Variants in ZFPM2 observed in about 807,000 individuals in gnomAD.
The protein encoded by ZFPM2 is zinc finger protein, FOG family member 2, also known as zinc finger protein ZFPM2.
A neutral mutation model predicts 98.6 loss-of-function variants in ZFPM2; 20 were observed. The observed-to-expected ratio is 0.20, with a 90% CI of 0.14 to 0.29. The LOEUF (loss-of-function observed/expected upper bound fraction) is 0.29, where lower values mean the gene tolerates loss of function less well. ZFPM2 is among the 10% of genes least tolerant of loss of function. The probability of loss-of-function intolerance (pLI) is 1.00; values close to 1 mark genes in which losing one functional copy is unlikely to be tolerated. For synonymous variants in ZFPM2, 518 were observed against 502.7 expected (o/e 1.03, Z -0.41); for missense variants, 1,310 against 1,388.6 (o/e 0.94, Z 0.90).
At chr8:105,545,756 T>C (rs1193348921) in intron 3 of ZFPM2, among the ~76,000 whole-genome samples, 2 of 152,162 alleles carry the variant, frequency 1.3e-5, no homozygotes, top group Non-Finnish European at 2.9e-5. Context: ...TTGAGAAGAA[T>C]TGAGGAAGGA....
At chr8:105,600,719 T>C (rs1816076062) in intron 4 of ZFPM2, among the ~76,000 whole-genome samples, 1 of 152,034 alleles carries the variant, frequency 6.6e-6, no homozygotes, top group Admixed American at 6.6e-5. Flanking sequence ...GATGATTATA[T>C]TATTGTTTAC....
chr8:105,558,410 T>G (rs941458454), intron 3 of ZFPM2, among the ~76,000 whole-genome samples: 20 of 152,218 alleles, frequency 1.3e-4, no homozygotes, highest in African/African-American at 4.6e-4. Context: ...CTAGTAAAGT[T>G]GAAAAGATTG....
chr8:105,551,118 G>C (rs146797146), intron 3 of ZFPM2, among the ~76,000 whole-genome samples: 1 of 152,174 alleles, frequency 6.6e-6, no homozygotes, highest in Admixed American at 6.6e-5. Context: ...TAGCCTATAA[G>C]TGAGATCTTT....
intron 5 of ZFPM2, among the ~76,000 whole-genome samples, chr8:105,777,758 C>A (rs1383755333): frequency 1.3e-5 from 2 of 151,584 alleles, no homozygotes; most frequent in African/African-American, 4.8e-5. Flanking sequence ...TTGCTGCATA[C>A]GAAAAAAAGG....
At chr8:105,795,122 A>AGAT (rs1489266397) in intron 6 of ZFPM2, among the ~76,000 whole-genome samples, 2 of 152,120 alleles carry the variant, frequency 1.3e-5, no homozygotes, top group Admixed American at 6.5e-5. Flanking sequence ...CTCCCTAGTG[A>AGAT]GATGAACCCA....
Position 105,798,807 on chromosome 8 carries a change from G to A in ZFPM2, c.823G>A (p.Gly275Arg), listed in dbSNP as rs138523492. 2 of 1,613,918 alleles carry A rather than the reference G, an allele frequency of 1.2e-6. No individual in the cohort carries two copies. Among genetic ancestry groups the A allele is most frequent in the East Asian group, 4.5e-5 (2 of 44,870 alleles). ...LQAHLMYYCS[G>R]RQREAAPVSE... ...GGCCCATTTGATGTACTACTGCAGTGGGAGGCAAAGAGAAGCTGCTCCGGT... is the reference window on the plus strand; with the variant it reads ...GGCCCATTTGATGTACTACTGCAGTAGGAGGCAAAGAGAAGCTGCTCCGGT... Residue 275 changes from glycine (G) to arginine (R), a missense_variant, in exon 7 of 8, where the codon GGG becomes AGG. Physicochemically the swap from Gly to Arg is moderately radical, Grantham distance 125. Transcript: ENST00000407775.
At chr8:105,561,895 C>A (rs1420173597) in intron 4 of ZFPM2, among the ~76,000 whole-genome samples, 1 of 152,060 alleles carries the variant, frequency 6.6e-6, no homozygotes, top group Non-Finnish European at 1.5e-5. Flanking sequence ...CCTTTAAAAG[C>A]AGGGATGAGT....
chr8:105,423,486 TGAGTTTA>T (rs1811844574), intron 2 of ZFPM2, among the ~76,000 whole-genome samples: 1 of 152,228 alleles, frequency 6.6e-6, no homozygotes, highest in Non-Finnish European at 1.5e-5. Context: ...CTTTTGTTTA[TGAGTTTA>T]GAGTACGTGG....
intron 5 of ZFPM2, among the ~76,000 whole-genome samples, chr8:105,644,871 T>C (rs1390552615): frequency 1.3e-5 from 2 of 152,132 alleles, no homozygotes; most frequent in African/African-American, 4.8e-5. Context: ...CCTAATTGCC[T>C]CACAAAAGCC....
At chr8:105,699,485 T>C (rs1252980120) in intron 5 of ZFPM2, among the ~76,000 whole-genome samples, 1 of 152,114 alleles carries the variant, frequency 6.6e-6, no homozygotes, top group African/African-American at 2.4e-5. Flanking sequence ...TCTAAACATA[T>C]AGTTTGGAGT....
chr8:105,669,088 C>G (rs1467418960), intron 5 of ZFPM2, among the ~76,000 whole-genome samples: 1 of 151,978 alleles, frequency 6.6e-6, no homozygotes, highest in Non-Finnish European at 1.5e-5. Context: ...GAGTAATAAA[C>G]TAGCTATGTT....
chr8:105,440,414 T>G (rs6993025), intron 2 of ZFPM2, among the ~76,000 whole-genome samples: 52,468 of 151,860 alleles, frequency 0.35, 11,478 homozygotes, highest in African/African-American at 0.62. Context: ...TCAATTTAAA[T>G]AAAGTAGCAC....
At chr8:105,469,535 C>T (rs563318973) in intron 3 of ZFPM2, among the ~76,000 whole-genome samples, 2 of 152,298 alleles carry the variant, frequency 1.3e-5, no homozygotes, top group South Asian at 4.2e-4. Flanking sequence ...TTCTTGAGCA[C>T]TGACAGTGTG....
At chr8:105,691,620 C>G (rs1810885328) in intron 5 of ZFPM2, among the ~76,000 whole-genome samples, 1 of 152,172 alleles carries the variant, frequency 6.6e-6, no homozygotes, top group South Asian at 2.1e-4. Flanking sequence ...TAATAATTTT[C>G]TGTTTTTATC....
intron 5 of ZFPM2, among the ~76,000 whole-genome samples, chr8:105,754,928 G>A (rs1812562246): frequency 6.7e-6 from 1 of 149,848 alleles, no homozygotes; most frequent in Non-Finnish European, 1.5e-5. Context: ...ATTTTGTGAC[G>A]GTCTGGAGAA....
chr8:105,730,801 G>A (rs1230500279), intron 5 of ZFPM2, among the ~76,000 whole-genome samples: 1 of 138,338 alleles, frequency 7.2e-6, no homozygotes, highest in Non-Finnish European at 1.5e-5. Flanking sequence ...TTTTTTTACT[G>A]GCTACAGAAT....
intron 7 of ZFPM2, among the ~76,000 whole-genome samples, chr8:105,800,681 G>A (rs1221023831): frequency 6.6e-6 from 1 of 152,038 alleles, no homozygotes; most frequent in East Asian, 1.9e-4. Context: ...GTTATAGTGA[G>A]GTTATTAGAT....
At chr8:105,744,647 C>CA (rs1212723424) in intron 5 of ZFPM2, among the ~76,000 whole-genome samples, 2 of 30,570 alleles carry the variant, frequency 6.5e-5, no homozygotes, top group African/African-American at 1.4e-4. Context: ...TAGAAGAGGA[C>CA]AAAAAAAGCT....
chr8:105,562,820 C>A (rs2130702572), intron 4 of ZFPM2, among the ~76,000 whole-genome samples: 1 of 152,316 alleles, frequency 6.6e-6, no homozygotes, highest in Non-Finnish European at 1.5e-5. Flanking sequence ...ATTCCATTTG[C>A]TTCCTTCATT....
Sources: gnomAD v4.1 joint callset for allele counts (sites outside exome capture counted in the v4.1 genomes callset) on GRCh38, gnomAD v4.1.1 for gene constraint, MANE v1.5 for transcripts, NCBI Gene and HGNC (gene_info 2026-07-23, HGNC 2026-07-21) for gene names.